ABR: variants seen among roughly 807,000 people sequenced by gnomAD.
ABR encodes ABR activator of RhoGEF and GTPase, also known as active breakpoint cluster region-related protein.
In ABR, 35 loss-of-function variants were observed where a neutral mutation model predicts 107.2. The observed-to-expected ratio is 0.33, with a 90% confidence interval of 0.25 to 0.43. ABR has a LOEUF of 0.43. Among genes scored for constraint, ABR ranks in the 20% least tolerant of loss-of-function variants. ABR has a pLI of 1.00. For missense variants in ABR, 815 were observed against 1,115.2 expected, an observed-to-expected ratio of 0.73 and a Z score of 3.83; for synonymous variants, 498 against 462.0, an observed-to-expected ratio of 1.08 and a Z score of -1.00.
intron 1 of ABR, among the ~76,000 whole-genome samples, chr17:1,206,213 C>A (rs938852114): frequency 2.0e-5 from 3 of 152,198 alleles, no homozygotes; most frequent in African/African-American, 7.2e-5. Flanking sequence ...CATGTGACCA[C>A]TGACGTCACA....
In ABR at chr17:1,051,946, T is replaced by C. The variant is rs774786538; in HGVS notation, c.1562-1312A>G. 6.6e-6 allele frequency among the ~76,000 whole-genome samples: 1 copy of C among 152,034 alleles called. No homozygotes were observed. Among genetic ancestry groups the C allele is most frequent in the African/African-American group, 2.4e-5 (1 of 41,410 alleles). ...AAAGTGAGCCCGGCGTGGTGGCACA[T>C]GCCTGTAGTCCCAGCTACTCGGGAG... is the stretch of plus-strand genomic sequence containing the variant. On this transcript the variant is annotated intron_variant, in intron 14 of 22. Transcript: ENST00000302538. The surrounding 1 kb of genome is among the most constrained non-coding windows in gnomAD (Gnocchi z 4.3).
In ABR at chr17:1,207,470, C is replaced by A. The variant is rs550523896; in HGVS notation, c.838+21323G>T. On this transcript the variant is annotated intron_variant, in intron 1 of 22. Coordinates refer to the ABR transcript ENST00000574139. ...TTCGAGACCAGCCTGGCCAACATGGCGAAACCCCATCTCTGCTAAAAATAT... is the reference window on the plus strand; with the variant it reads ...TTCGAGACCAGCCTGGCCAACATGGAGAAACCCCATCTCTGCTAAAAATAT... Among the ~76,000 whole-genome samples, 397 of 151,648 alleles carry A rather than the reference C, an allele frequency of 2.6e-3. 1 individual carries two copies. The highest frequency in any genetic ancestry group is 9.1e-3 in the African/African-American group (377 of 41,388).
At chr17:1,215,726 G>C (rs1038119267) in intron 1 of ABR, among the ~76,000 whole-genome samples, 3 of 151,600 alleles carry the variant, frequency 2.0e-5, no homozygotes, top group African/African-American at 4.9e-5. Flanking sequence ...CGGTTTTGTC[G>C]AATAGAAAAG....
intron 1 of ABR, among the ~76,000 whole-genome samples, chr17:1,198,284 C>T (rs1035547937): frequency 1.3e-5 from 2 of 151,584 alleles, no homozygotes; most frequent in East Asian, 1.9e-4. Flanking sequence ...CTAACCCCAA[C>T]GTCGGTACAC....
rs557799805 is a variant in ABR at position 1,096,117 on chromosome 17, A to G, written c.346-4267T>C. 1.5e-3 allele frequency among the ~76,000 whole-genome samples: 222 copies of G among 152,018 alleles called. 1 individual carries two copies. Among genetic ancestry groups the G allele is most frequent in the Admixed American group, 2.6e-3 (39 of 15,264 alleles). On this transcript the variant is annotated intron_variant, in intron 3 of 22. Transcript: ENST00000302538. ...CTTCATCTTTTTTCCTTCACCCCCT[A>G]CTTCGGCCCAGGCTCCCAGGCTTTT...
intron 4 of ABR, among the ~76,000 whole-genome samples, chr17:1,085,945 G>A (rs575291209): frequency 1.3e-5 from 2 of 152,218 alleles, no homozygotes; most frequent in Non-Finnish European, 2.9e-5. Flanking sequence ...TTGGCAGTTC[G>A]AGACCAGCCT....
intron 2 of ABR, among the ~76,000 whole-genome samples, chr17:1,105,442 G>A (rs191947412): frequency 2.2e-4 from 27 of 122,342 alleles, no homozygotes; most frequent in African/African-American, 8.0e-4. Flanking sequence ...AGGTGCCACC[G>A]ATCATTTCTC....
chr17:1,223,774 C>T (rs1430408209), intron 1 of ABR, among the ~76,000 whole-genome samples: 1 of 152,144 alleles, frequency 6.6e-6, no homozygotes, highest in African/African-American at 2.4e-5. Context: ...GGCAGGAGAG[C>T]AAGCAAGCCT....
intron 1 of ABR, among the ~76,000 whole-genome samples, chr17:1,192,707 G>T (rs975809839): frequency 1.3e-5 from 2 of 152,184 alleles, no homozygotes; most frequent in Non-Finnish European, 2.9e-5. Context: ...GAGGCCACGA[G>T]TTCAAGACCA....
At chr17:1,059,359 C>T (rs951234980) in intron 10 of ABR, among the ~76,000 whole-genome samples, 7 of 152,228 alleles carry the variant, frequency 4.6e-5, no homozygotes, top group South Asian at 2.1e-4. Context: ...CACCTCTCCA[C>T]GTGGCCCTGG....
At chr17:1,012,954 G>C (rs954831277) in intron 17 of ABR, 151 bp downstream of exon 17, 17 of 1,076,872 alleles carry the variant, frequency 1.6e-5, no homozygotes, top group Non-Finnish European at 2.2e-5. Flanking sequence ...AGCGGGCAGG[G>C]TGTGGGCAGG....
chr17:1,149,338 A>T (rs942102780), intron 1 of ABR, among the ~76,000 whole-genome samples: 8 of 151,930 alleles, frequency 5.3e-5, no homozygotes, highest in Non-Finnish European at 1.0e-4. Flanking sequence ...CCAGGCCTGG[A>T]GCCCACCCAG....
chr17:1,104,230 T>C (rs1442472533), intron 2 of ABR, among the ~76,000 whole-genome samples: 3 of 152,134 alleles, frequency 2.0e-5, no homozygotes, highest in Non-Finnish European at 4.4e-5. Flanking sequence ...TCCTGCACAA[T>C]CTGCTAGGCT....
At chr17:1,189,318 T>A (rs145204140), upstream of ABR, among the ~76,000 whole-genome samples, 437 of 152,010 alleles carry the variant, frequency 2.9e-3, 3 homozygotes, top group African/African-American at 9.9e-3. Flanking sequence ...TAGCATGTCA[T>A]TCCTCTCTTA....
intron 1 of ABR, among the ~76,000 whole-genome samples, chr17:1,209,212 C>G (rs756351883): frequency 1.3e-5 from 2 of 151,848 alleles, no homozygotes; most frequent in Non-Finnish European, 2.9e-5. Context: ...CAGTGTTTTA[C>G]TCTCTGCAGC....
chr17:1,151,481 C>A (rs1228197332), intron 1 of ABR, among the ~76,000 whole-genome samples: 1 of 151,234 alleles, frequency 6.6e-6, no homozygotes. Flanking sequence ...ACCCTCAACG[C>A]CCCCACCTCT....
intron 3 of ABR, among the ~76,000 whole-genome samples, chr17:1,093,267 G>C (rs533188564): frequency 1.3e-5 from 2 of 151,920 alleles, no homozygotes; most frequent in Non-Finnish European, 2.9e-5. Flanking sequence ...CCAGGAGTTC[G>C]AGACAAGTCT....
intron 13 of ABR, 65 bp from the exon 14 acceptor site, chr17:1,056,174 G>T: frequency 7.1e-7 from 1 of 1,400,226 alleles, no homozygotes; most frequent in Non-Finnish European, 1.0e-6. Context: ...TCCACCCCAG[G>T]CCGGCGGGAG....
chr17:1,039,860 C>T (rs973009529), intron 16 of ABR, among the ~76,000 whole-genome samples: 2 of 152,150 alleles, frequency 1.3e-5, no homozygotes, highest in Non-Finnish European at 2.9e-5. Context: ...CCTTGGCGGG[C>T]GCCGACGCGG....
Sources: allele counts gnomAD v4.1 joint callset (sites outside exome capture counted in the v4.1 genomes callset), GRCh38; gene constraint gnomAD v4.1.1; non-coding constraint Gnocchi (gnomAD v3.1); transcripts MANE v1.5; gene names NCBI Gene and HGNC (gene_info 2026-07-23, HGNC 2026-07-21).